Variants in ARHGEF11 observed in about 807,000 individuals in gnomAD.
The protein encoded by ARHGEF11 is Rho guanine nucleotide exchange factor 11.
Under a neutral mutation model 193.7 loss-of-function variants are expected in ARHGEF11, and 55 were observed. The observed-to-expected ratio is 0.28, with a 90% CI of 0.23 to 0.36. The LOEUF (loss-of-function observed/expected upper bound fraction) is 0.36. Among genes scored for constraint, ARHGEF11 ranks in the 10% least tolerant of loss-of-function variants. ARHGEF11 has a pLI of 1.00. For missense variants in ARHGEF11, 1,723 were observed against 2,005.6 expected (o/e 0.86, Z 2.69); for synonymous variants, 693 against 768.0 (o/e 0.90, Z 1.62).
intron 19 of ARHGEF11, 29 bp from the exon 20 acceptor site, chr1:156,955,828 CAGG>C: frequency 6.4e-7 from 1 of 1,574,722 alleles, no homozygotes; most frequent in Non-Finnish European, 8.7e-7. Flanking sequence ...CTGGTGTTTG[CAGG>C]AGGTCCTGAT....
intron 1 of ARHGEF11, among the ~76,000 whole-genome samples, chr1:156,990,521 G>A (rs181925398): frequency 7.9e-5 from 12 of 152,164 alleles, no homozygotes; most frequent in Non-Finnish European, 1.2e-4. Context: ...TGCCTAAAGC[G>A]CTTATTGCAC....
intron 1 of ARHGEF11, among the ~76,000 whole-genome samples, chr1:157,027,186 A>C (rs1050234256): frequency 6.6e-6 from 1 of 152,184 alleles, no homozygotes; most frequent in Admixed American, 6.5e-5. Context: ...ACTTGAGACC[A>C]GCCTGGGCAA....
Position 156,938,447 on chromosome 1 carries a change from G to C in ARHGEF11, c.4163C>G (p.Pro1388Arg), listed in dbSNP as rs1289360309. 2 of 1,613,752 alleles carry C rather than the reference G, an allele frequency of 1.2e-6. No individual in the cohort carries two copies. Among genetic ancestry groups the C allele is most frequent in the African/African-American group, 2.7e-5 (2 of 74,902 alleles). ...PESGQSEPGP[P>R]EVEGGTKATG... is the part of the protein sequence containing the mutation. ...AGCCTTTGTTCCGCCTTCCACTTCA[G>C]GTGGCCCAGGCTCTGACTGGCCACT... The change falls in exon 38 of 41, where the codon CCT (proline) becomes CGT (arginine). Residue 1388 changes from proline (P) to arginine (R), a missense_variant. Around this residue, in one of 5 missense-constraint regions of ARHGEF11, gnomAD observed 360 missense variants for 344.4 expected, o/e 1.05. Coordinates refer to ENST00000368194, the MANE Select transcript of ARHGEF11 (RefSeq NM_198236.3).
chr1:157,005,018 T>C (rs1667655876), intron 1 of ARHGEF11, among the ~76,000 whole-genome samples: 1 of 152,180 alleles, frequency 6.6e-6, no homozygotes, highest in South Asian at 2.1e-4. Context: ...CTCTCACAGC[T>C]CCTTCTAATC....
At chr1:156,956,957 C>T (rs1281311421) in intron 18 of ARHGEF11, among the ~76,000 whole-genome samples, 1 of 152,154 alleles carries the variant, frequency 6.6e-6, no homozygotes, top group Non-Finnish European at 1.5e-5. Context: ...AGCTGATACT[C>T]TCAGGCATAT....
rs746265259 is a variant in ARHGEF11 at position 156,978,230 on chromosome 1, G to A, written c.484C>T (p.Arg162Cys). The change falls in exon 6 of 41, where the codon CGC becomes TGC. Residue 162 changes from arginine (R) to cysteine (C), a missense_variant. Transcript: ENST00000368194. ...PPPPPLPPPQ[R>C]ITGPKPLQDP... ...TGCAGAGGTTTGGGTCCTGTGATGCGTTGTGGAGGTGGTAGAGGTGGAGGA... is the reference window on the plus strand; with the variant it reads ...TGCAGAGGTTTGGGTCCTGTGATGCATTGTGGAGGTGGTAGAGGTGGAGGA... 38 of 1,614,064 alleles carry A rather than the reference G, an allele frequency of 2.4e-5. No individual in the cohort carries two copies. The highest frequency in any genetic ancestry group is 5.3e-5 in the African/African-American group (4 of 74,938).
At chr1:156,991,055 G>A (rs975929432) in intron 1 of ARHGEF11, among the ~76,000 whole-genome samples, 1 of 152,112 alleles carries the variant, frequency 6.6e-6, no homozygotes, top group Non-Finnish European at 1.5e-5. Flanking sequence ...ACACAACAGG[G>A]TTCTTCATCT....
At chr1:156,967,215 A>G (rs1347734310) in intron 11 of ARHGEF11, among the ~76,000 whole-genome samples, 1 of 152,240 alleles carries the variant, frequency 6.6e-6, no homozygotes, top group African/African-American at 2.4e-5. Flanking sequence ...AGATGAATTT[A>G]AGTTTAAAGA....
In ARHGEF11 at chr1:156,959,699, T is replaced by G. The variant is rs537177534; in HGVS notation, c.1283-557A>C. 1.3e-3 allele frequency among the ~76,000 whole-genome samples: 200 copies of G among 152,342 alleles called. 1 individual carries two copies. The highest frequency in any genetic ancestry group is 4.5e-3 in the African/African-American group (188 of 41,568). ...TGCCTGGGCTTTCCTCCCCGTCACA[T>G]GTGCCCGTAAATCATCTCTTTCTAA... On this transcript the variant is annotated intron_variant, in intron 15 of 40. Transcript: ENST00000368194.
chr1:156,986,090 T>C lies in ARHGEF11; in HGVS notation c.116A>G (p.Glu39Gly). 6.2e-7 allele frequency: 1 copy of C among 1,613,806 alleles called. No homozygotes were observed. The highest frequency in any genetic ancestry group is 8.5e-7 in the Non-Finnish European group (1 of 1,179,766). ...SHHRQPSDAS[E>G]TTGLVQRCVI... ...ATGCCCAAGGAGGTTACCTGTTGTC[T>C]CAGAGGCATCCGAAGGCTGGCGATG... The change falls in exon 2 of 41, where the codon GAG becomes GGG. Residue 39 changes from glutamate to glycine, a missense_variant. Around this residue, in one of 5 missense-constraint regions of ARHGEF11, gnomAD observed 646 missense variants for 710.7 expected, o/e 0.91. Transcript: ENST00000368194.
rs369690909 is a variant in ARHGEF11 at position 156,940,314 on chromosome 1, G to A, written c.3626C>T (p.Thr1209Ile). Residue 1209 changes from threonine to isoleucine, a missense_variant, in exon 36 of 41, where the codon ACA becomes ATA. Physicochemically the swap from Thr to Ile is moderately conservative, Grantham distance 89 (BLOSUM62 -1). This residue lies in a region of ARHGEF11 where 203 missense variants were observed against 237.3 expected (regional missense o/e 0.86). Transcript: ENST00000368194. ...EELGVLPCPS[T>I]SLDGENRGIR... ...GCCCCTGTTCTCTCCATCCAGGGAT[G>A]TGGAAGGGCAAGGCAGGACACCCAG... 6 of 1,613,800 alleles carry A rather than the reference G, an allele frequency of 3.7e-6. No homozygotes were observed. The African/African-American group carries it at 4.0e-5, about 11-fold the overall frequency.
intron 1 of ARHGEF11, 21 bp from the exon 2 acceptor site, chr1:156,986,194 G>C: frequency 6.3e-7 from 1 of 1,593,846 alleles, no homozygotes; most frequent in Non-Finnish European, 8.6e-7. Flanking sequence ...AGTAAGGAAA[G>C]CATGTCAATG....
At chr1:156,982,825 TA>T (rs1262296406) in intron 3 of ARHGEF11, among the ~76,000 whole-genome samples, 4 of 152,088 alleles carry the variant, frequency 2.6e-5, no homozygotes, top group Admixed American at 2.0e-4. Flanking sequence ...GAGAAGCAAA[TA>T]ATAAAACTAT....
chr1:156,961,843 C>A (rs775979543), intron 13 of ARHGEF11, 68 bp from the exon 14 acceptor site: 21 of 1,399,354 alleles, frequency 1.5e-5, no homozygotes, highest in Non-Finnish European at 2.1e-5. Flanking sequence ...CCCTAGGGGA[C>A]GTTTGGCCAT....
At chr1:156,954,582 T>C in intron 21 of ARHGEF11, among the ~76,000 whole-genome samples, 1 of 152,158 alleles carries the variant, frequency 6.6e-6, no homozygotes, top group Non-Finnish European at 1.5e-5. Flanking sequence ...AGAAGTCTAG[T>C]CTTGGCCAGA....
At chr1:156,963,124 G>C in intron 13 of ARHGEF11, 79 bp downstream of exon 13, 1 of 1,116,026 alleles carries the variant, frequency 9.0e-7, no homozygotes, top group South Asian at 1.3e-5. Flanking sequence ...GTAACAGCCA[G>C]GGAGCAGAAA....
chr1:157,032,537 C>A (rs1472843330), intron 1 of ARHGEF11, among the ~76,000 whole-genome samples: 1 of 152,142 alleles, frequency 6.6e-6, no homozygotes, highest in East Asian at 1.9e-4. Context: ...CCAGCTGATT[C>A]TAAAGGATTC....
chr1:156,999,148 A>C (rs1445355652), intron 1 of ARHGEF11, among the ~76,000 whole-genome samples: 1 of 152,236 alleles, frequency 6.6e-6, no homozygotes, highest in Non-Finnish European at 1.5e-5. Flanking sequence ...TATATCCTTG[A>C]AAAGGGAGAA....
At chr1:156,972,464 G>A (rs1662629617) in intron 7 of ARHGEF11, among the ~76,000 whole-genome samples, 1 of 152,242 alleles carries the variant, frequency 6.6e-6, no homozygotes, top group Non-Finnish European at 1.5e-5. Context: ...TAATAGTGGA[G>A]TGAGATTATG....
Sources: gnomAD v4.1 joint callset for allele counts (sites outside exome capture counted in the v4.1 genomes callset) on GRCh38, gnomAD v4.1.1 for gene constraint, gnomAD v4.1.1 regional missense constraint, MANE v1.5 for transcripts, NCBI Gene and HGNC (gene_info 2026-07-23, HGNC 2026-07-21) for gene names.